Variants in CYB5D2 observed in about 807,000 individuals in gnomAD.
CYB5D2 encodes neuferricin.
Under a neutral mutation model 22.8 loss-of-function variants are expected in CYB5D2, and 23 were observed. That is an observed-to-expected ratio of 1.01 (90% CI 0.73 to 1.43). The LOEUF (loss-of-function observed/expected upper bound fraction) is 1.43, where lower values mean the gene tolerates loss of function less well. Among genes scored for constraint, CYB5D2 ranks in the 40% most tolerant of loss-of-function variants. The pLI, the probability that CYB5D2 is intolerant of heterozygous loss-of-function variation, is 0.00. For synonymous variants in CYB5D2, 170 were observed against 152.2 expected (o/e 1.12, Z -0.86); for missense variants, 373 against 357.2 (o/e 1.04, Z -0.36).
At chr17:4,153,548 ATTCATGTT>A (rs1275762479) in intron 2 of CYB5D2, among the ~76,000 whole-genome samples, 1 of 152,134 alleles carries the variant, frequency 6.6e-6, no homozygotes, top group East Asian at 1.9e-4. Context: ...CCATGGTAGG[ATTCATGTT>A]TTTAAAAGAT....
chr17:4,143,561 G>C lies in CYB5D2; in HGVS notation c.-195G>C. The C allele has an allele frequency of 1.5e-6, 1 of 652,332 alleles. No homozygotes were observed. The highest frequency in any genetic ancestry group is 2.4e-6 in the Non-Finnish European group (1 of 414,946). The allele number at this position is 652,332 out of a possible 1,614,324, so 40.4% of individuals were successfully genotyped here. A position where few individuals can be genotyped will look rare whatever the true frequency, so the allele number is the denominator to read the frequency against. ...AAAAAAAAAGTACCTGGAAAAAGTC[G>C]CAGACAGCGAGCTTTTCGCCAGTGC... On this transcript the variant is annotated 5_prime_UTR_variant, in exon 1 of 4. Coordinates refer to ENST00000301391, the MANE Select transcript of CYB5D2 (RefSeq NM_144611.4).
chr17:4,156,793 G>T, intron 3 of CYB5D2, 73 bp from the exon 4 acceptor site: 1 of 1,523,666 alleles, frequency 6.6e-7, no homozygotes, highest in Non-Finnish European at 9.0e-7. Flanking sequence ...CTGGCTCTCT[G>T]CTTCCTGCTC....
At position 4,143,747 on chromosome 17, in the gene CYB5D2, C is replaced by T. The variant is rs752943101; in HGVS notation, c.-9C>T. On this transcript the variant is annotated 5_prime_UTR_variant, in exon 1 of 4. Coordinates refer to ENST00000301391, the MANE Select transcript of CYB5D2 (RefSeq NM_144611.4). ...ACCTCGGAAGTGCGGAGCGGGTGGG[C>T]CTATATAGATGTTGAGGTGCGGAGG... 3.7e-6 allele frequency: 6 copies of T among 1,611,640 alleles called. No individual in the cohort carries two copies. In the East Asian group the frequency reaches 6.7e-5, roughly 18 times the overall value.
chr17:4,156,813 C>T, intron 3 of CYB5D2, 53 bp from the exon 4 acceptor site: 1 of 1,588,044 alleles, frequency 6.3e-7, no homozygotes, highest in African/African-American at 1.3e-5. Flanking sequence ...CTCCCCTTCC[C>T]AGAGACTCAT....
chr17:4,154,561 A>T, intron 2 of CYB5D2, 113 bp from the exon 3 acceptor site: 1 of 1,253,790 alleles, frequency 8.0e-7, no homozygotes, highest in Non-Finnish European at 1.1e-6. Context: ...AGTTCTTATT[A>T]AACGCGCACC....
At position 4,157,107 on chromosome 17, in the gene CYB5D2, A is replaced by G; in HGVS notation, c.*25A>G. On this transcript the variant is annotated 3_prime_UTR_variant, in exon 4 of 4. Transcript: ENST00000301391. The surrounding 1 kb of genome is among the most constrained non-coding windows in gnomAD (Gnocchi z 4.4). ...AGCCGTAGCCTCTTCTGTTAATAAC[A>G]CACAGAGAGCTCTGCCAAGCACCTG... 6.2e-7 allele frequency: 1 copy of G among 1,609,966 alleles called. No homozygotes were observed.
At chr17:4,144,672 T>G (rs956425542) in intron 1 of CYB5D2, among the ~76,000 whole-genome samples, 3 of 152,288 alleles carry the variant, frequency 2.0e-5, no homozygotes, top group South Asian at 4.1e-4. Flanking sequence ...AAGAAACATT[T>G]GTCAAATTAA....
At chr17:4,154,489 T>G (rs1241318161) in intron 2 of CYB5D2, among the ~76,000 whole-genome samples, 185 bp from the exon 3 acceptor site, 1 of 152,164 alleles carries the variant, frequency 6.6e-6, no homozygotes, top group East Asian at 1.9e-4. Context: ...GATGCAGCTG[T>G]GTGGGGGCTT....
chr17:4,146,696 GT>G (rs141250163), intron 1 of CYB5D2, among the ~76,000 whole-genome samples: 24 of 148,988 alleles, frequency 1.6e-4, no homozygotes, highest in African/African-American at 3.2e-4. Context: ...GGCCCGGTGG[GT>G]TTTTTTTTTT....
chr17:4,147,937 C>T (rs2059010927), intron 1 of CYB5D2, among the ~76,000 whole-genome samples: 1 of 152,222 alleles, frequency 6.6e-6, no homozygotes, highest in Admixed American at 6.5e-5. Context: ...GGAATTTGGA[C>T]ATTCTCATAG....
chr17:4,144,395 C>G (rs1424821485), intron 1 of CYB5D2, among the ~76,000 whole-genome samples: 1 of 152,200 alleles, frequency 6.6e-6, no homozygotes, highest in African/African-American at 2.4e-5. Flanking sequence ...TTCCAACCAT[C>G]TCTTCATTAT....
chr17:4,149,788 G>A (rs573823542), intron 1 of CYB5D2, 103 bp from the exon 2 acceptor site: 22 of 1,439,516 alleles, frequency 1.5e-5, no homozygotes, highest in East Asian at 9.4e-5. Context: ...AACAGAGTGC[G>A]ACTCCGTCTC....
chr17:4,144,809 T>C (rs2058964792), intron 1 of CYB5D2, among the ~76,000 whole-genome samples: 1 of 152,088 alleles, frequency 6.6e-6, no homozygotes, highest in South Asian at 2.1e-4. Context: ...TTTTTAAAGA[T>C]GGAATCTCGC....
chr17:4,155,744 G>A (rs1054917599), intron 3 of CYB5D2, among the ~76,000 whole-genome samples: 4 of 152,320 alleles, frequency 2.6e-5, no homozygotes, highest in South Asian at 2.1e-4. Flanking sequence ...GCCTGCGTGC[G>A]TTCAGATGCT....
At position 4,143,849 on chromosome 17, in the gene CYB5D2, C is replaced by A; in HGVS notation, c.94C>A (p.Arg32Ser). 6.2e-7 allele frequency: 1 copy of A among 1,614,096 alleles called. No individual in the cohort carries two copies. The highest frequency in any genetic ancestry group is 1.1e-5 in the South Asian group (1 of 91,080). The change falls in exon 1 of 4, where the codon CGC (arginine) becomes AGC (serine). Residue 32 changes from arginine to serine, a missense_variant. Coordinates refer to ENST00000301391, the MANE Select transcript of CYB5D2 (RefSeq NM_144611.4). ...AARLMGWWGP[R>S]AGFRLFIPEE... ...ACGGCTTATGGGCTGGTGGGGTCCC[C>A]GCGCTGGCTTTCGCCTTTTCATACC...
chr17:4,147,895 C>T (rs1036359027), intron 1 of CYB5D2, among the ~76,000 whole-genome samples: 2 of 152,192 alleles, frequency 1.3e-5, no homozygotes, highest in African/African-American at 4.8e-5. Flanking sequence ...GCGTTGGTGG[C>T]AGCTGGTGCA....
At chr17:4,152,033 TG>T (rs1212761551) in intron 2 of CYB5D2, among the ~76,000 whole-genome samples, 7 of 150,908 alleles carry the variant, frequency 4.6e-5, no homozygotes, top group African/African-American at 1.7e-4. Context: ...AACAGAGTCC[TG>T]TAAATGGGCA....
intron 2 of CYB5D2, 84 bp downstream of exon 2, chr17:4,150,115 G>T: frequency 6.6e-7 from 1 of 1,522,894 alleles, no homozygotes. Context: ...TTGGGTTCAA[G>T]CTTAAAATCT....
rs756201738 is a variant in CYB5D2 at position 4,154,665 on chromosome 17, T to A, written c.392-9T>A. 6.2e-7 allele frequency: 1 copy of A among 1,611,760 alleles called. No individual in the cohort carries two copies. Among genetic ancestry groups the A allele is most frequent in the African/African-American group, 1.3e-5 (1 of 74,828 alleles). ...ACTCTCACTCACATCTGCCTTCCTGTCATCACAGGGAGGGTGACAGGACGG... is the reference window on the plus strand; with the variant it reads ...ACTCTCACTCACATCTGCCTTCCTGACATCACAGGGAGGGTGACAGGACGG... On this transcript the variant is annotated splice_polypyrimidine_tract_variant and intron_variant, in intron 2 of 3. Coordinates refer to ENST00000301391, the MANE Select transcript of CYB5D2 (RefSeq NM_144611.4).
Sources: gnomAD v4.1 joint callset for allele counts (sites outside exome capture counted in the v4.1 genomes callset) on GRCh38, gnomAD v4.1.1 for gene constraint, Gnocchi (gnomAD v3.1) non-coding constraint, MANE v1.5 for transcripts, NCBI Gene and HGNC (gene_info 2026-07-23, HGNC 2026-07-21) for gene names.